The following ZDHHC7 variants were observed in gnomAD, a reference collection of about 807,000 sequenced individuals.
ZDHHC7 encodes palmitoyltransferase ZDHHC7.
Under a neutral mutation model 34.1 loss-of-function variants are expected in ZDHHC7, and 12 were observed. That is an observed-to-expected ratio of 0.35 (90% CI 0.23 to 0.57). ZDHHC7 has a LOEUF of 0.57. Among genes scored for constraint, ZDHHC7 ranks in the 20% least tolerant of loss-of-function variants. ZDHHC7 has a pLI of 0.84. For missense variants in ZDHHC7, 388 were observed against 402.7 expected (o/e 0.96, Z 0.31); for synonymous variants, 185 against 155.4 (o/e 1.19, Z -1.42).
intron 1 of ZDHHC7, among the ~76,000 whole-genome samples, chr16:85,010,241 C>T (rs565527016): frequency 1.3e-5 from 2 of 151,938 alleles, no homozygotes; most frequent in South Asian, 4.1e-4. Flanking sequence ...AGGCTGCTCT[C>T]CAACTCCTGG....
chr16:85,005,342 C>T (rs9921436), intron 1 of ZDHHC7, among the ~76,000 whole-genome samples: 25,648 of 152,078 alleles, frequency 0.17, 2,942 homozygotes, highest in East Asian at 0.33. Context: ...TACATTTAGC[C>T]CTCAATTACA....
At chr16:85,024,281 G>A in the ZDHHC7 span, among the ~76,000 whole-genome samples, 1 of 138,002 alleles carries the variant, frequency 7.2e-6, no homozygotes, top group African/African-American at 2.7e-5. Flanking sequence ...GCCTAGGCTA[G>A]AGTGCAATGG....
intron 3 of ZDHHC7, among the ~76,000 whole-genome samples, chr16:84,985,952 CA>C (rs58315276): frequency 0.15 from 7,982 of 53,502 alleles, 125 homozygotes; most frequent in East Asian, 0.33. Context: ...GAGACTGTCT[CA>C]AAAAAAAAAA....
At chr16:84,982,726 G>A (rs1302087201) in intron 3 of ZDHHC7, among the ~76,000 whole-genome samples, 2 of 152,256 alleles carry the variant, frequency 1.3e-5, no homozygotes, top group Non-Finnish European at 1.5e-5. Flanking sequence ...CACCTGACCC[G>A]ATTCATGTCT....
At chr16:84,996,715 G>C (rs1180261908) in intron 1 of ZDHHC7, among the ~76,000 whole-genome samples, 1 of 152,140 alleles carries the variant, frequency 6.6e-6, no homozygotes, top group African/African-American at 2.4e-5. Context: ...CCAAGTGCTT[G>C]TCGTAGCTCC....
chr16:84,974,402 C>T lies in ZDHHC7; in HGVS notation c.*1941G>A, dbSNP rs949635516. On this transcript the variant is annotated 3_prime_UTR_variant, in exon 8 of 8. Coordinates refer to ENST00000313732, the MANE Select transcript of ZDHHC7 (RefSeq NM_017740.3). ...AGCCTGGGGCTGGGCCCACGAAGCA[C>T]GGAAAGGCACCCCCTGAAAACACCA... The T allele has an allele frequency of 2.0e-5, 3 of 152,100 alleles. No individual in the cohort carries two copies. Among genetic ancestry groups the T allele is most frequent in the East Asian group, 3.9e-4 (2 of 5,192 alleles). 9.4% of individuals were successfully genotyped at this position (152,100 alleles called of 1,614,324 possible).
chr16:85,004,517 C>T (rs556521380), intron 1 of ZDHHC7, among the ~76,000 whole-genome samples: 309 of 152,060 alleles, frequency 2.0e-3, no homozygotes, highest in South Asian at 3.5e-3. Context: ...CTTTTCAGTG[C>T]GAATAAAATC....
chr16:85,026,906 G>T, the ZDHHC7 span, among the ~76,000 whole-genome samples: 1 of 152,118 alleles, frequency 6.6e-6, no homozygotes, highest in Non-Finnish European at 1.5e-5. Flanking sequence ...TTTGCTAGGT[G>T]CTGGAGTCGA....
chr16:85,002,212 T>C (rs1335702121), intron 1 of ZDHHC7, among the ~76,000 whole-genome samples: 1 of 152,174 alleles, frequency 6.6e-6, no homozygotes, highest in African/African-American at 2.4e-5. Context: ...GAGGAATGCC[T>C]GTGGCTCCTC....
intron 3 of ZDHHC7, among the ~76,000 whole-genome samples, chr16:84,987,847 G>C (rs1488254497): frequency 6.6e-6 from 1 of 152,148 alleles, no homozygotes; most frequent in Non-Finnish European, 1.5e-5. Flanking sequence ...GGCACAAAAG[G>C]CCACAGACGA....
intron 3 of ZDHHC7, among the ~76,000 whole-genome samples, chr16:84,986,807 G>T (rs2072442764): frequency 6.6e-6 from 1 of 152,164 alleles, no homozygotes; most frequent in African/African-American, 2.4e-5. Context: ...TCCCACTGGG[G>T]TATCTGCCCC....
At chr16:85,024,065 G>A in the ZDHHC7 span, among the ~76,000 whole-genome samples, 1 of 151,900 alleles carries the variant, frequency 6.6e-6, no homozygotes. Context: ...TTTCAGGCAT[G>A]TGCCACCACG....
At chr16:85,011,229 A>C (rs2143772114) in intron 1 of ZDHHC7, 57 bp downstream of exon 1, 1 of 152,358 alleles carries the variant, frequency 6.6e-6, no homozygotes, top group African/African-American at 2.4e-5. Context: ...CGGGGGCCAG[A>C]AGTGGCCGGG....
rs1169361060 is a variant in ZDHHC7, at chr16:84,975,429, C to T, written c.*914G>A. Reference sequence around the variant, plus strand: ...TGCTCTTACCTAGGTGCCATTTATACACTGCTAATTTGGCTGGAACAAAAA... The same window carrying T: ...TGCTCTTACCTAGGTGCCATTTATATACTGCTAATTTGGCTGGAACAAAAA... On this transcript the variant is annotated 3_prime_UTR_variant, in exon 8 of 8. Transcript: ENST00000313732. The T allele has an allele frequency of 2.0e-5, 3 of 151,710 alleles. No homozygotes were observed. Among genetic ancestry groups the T allele is most frequent in the Admixed American group, 6.6e-5 (1 of 15,158 alleles). The allele number at this position is 151,710 out of a possible 1,614,324, so 9.4% of individuals were successfully genotyped here.
chr16:85,021,423 A>AG, the ZDHHC7 span, among the ~76,000 whole-genome samples: 2 of 147,306 alleles, frequency 1.4e-5, no homozygotes, highest in Non-Finnish European at 3.0e-5. Context: ...AAAAAAAAAA[A>AG]AAAAGCCAGG....
chr16:85,002,343 A>C (rs1021575443), intron 1 of ZDHHC7, among the ~76,000 whole-genome samples: 8 of 152,090 alleles, frequency 5.3e-5, no homozygotes, highest in Non-Finnish European at 8.8e-5. Flanking sequence ...AACTTGGCAA[A>C]CACCACCTCA....
chr16:85,025,786 C>A, the ZDHHC7 span, among the ~76,000 whole-genome samples: 207 of 152,318 alleles, frequency 1.4e-3, no homozygotes, highest in Non-Finnish European at 2.4e-3. Context: ...ACCTTCCAGG[C>A]CCAGATATAT....
intron 1 of ZDHHC7, among the ~76,000 whole-genome samples, chr16:84,999,362 C>T (rs913007233): frequency 2.0e-5 from 3 of 152,164 alleles, no homozygotes; most frequent in African/African-American, 7.2e-5. Context: ...ATTCCACTTC[C>T]AGGTATTTAC....
intron 1 of ZDHHC7, among the ~76,000 whole-genome samples, chr16:84,996,570 T>C (rs908598695): frequency 3.9e-5 from 6 of 152,028 alleles, no homozygotes; most frequent in Admixed American, 6.6e-5. Context: ...GAATCCTCTC[T>C]GGCACTAACA....
Sources: allele counts gnomAD v4.1 joint callset (sites outside exome capture counted in the v4.1 genomes callset), GRCh38; gene constraint gnomAD v4.1.1; transcripts MANE v1.5; gene names NCBI Gene and HGNC (gene_info 2026-07-23, HGNC 2026-07-21).